Variants in TAFA2 observed in about 807,000 individuals in gnomAD.
TAFA2 encodes the protein chemokine-like protein TAFA-2.
In TAFA2, 7 loss-of-function variants were observed where a neutral mutation model predicts 18.8. That is an observed-to-expected ratio of 0.37 (90% CI 0.21 to 0.70). The LOEUF is 0.70. Among genes scored for constraint, TAFA2 ranks in the 30% least tolerant of loss-of-function variants. The probability of loss-of-function intolerance (pLI) is 0.53; values close to 1 mark genes in which losing one functional copy is unlikely to be tolerated. For synonymous variants in TAFA2, 60 were observed against 54.2 expected (o/e 1.11, Z -0.47); for missense variants, 122 against 158.1 (o/e 0.77, Z 1.23).
At chr12:61,861,197 C>T (rs559014956) in intron 2 of TAFA2, among the ~76,000 whole-genome samples, 2 of 151,586 alleles carry the variant, frequency 1.3e-5, no homozygotes, top group South Asian at 4.2e-4. Flanking sequence ...AGTGATCCAC[C>T]GGCTTCCGCC....
intron 1 of TAFA2, among the ~76,000 whole-genome samples, chr12:61,873,750 A>G (rs1349617448): frequency 6.6e-6 from 1 of 152,198 alleles, no homozygotes; most frequent in Non-Finnish European, 1.5e-5. Context: ...GCTTTTATCC[A>G]AAATCATGTC....
At chr12:61,788,039 A>T (rs1870809940) in intron 2 of TAFA2, among the ~76,000 whole-genome samples, 1 of 151,760 alleles carries the variant, frequency 6.6e-6, no homozygotes, top group Non-Finnish European at 1.5e-5. Context: ...ATCAAAAGCA[A>T]GTAGGAGTAA....
intron 1 of TAFA2, among the ~76,000 whole-genome samples, chr12:62,180,856 A>G (rs981357685): frequency 6.6e-6 from 1 of 152,236 alleles, no homozygotes. Context: ...AATTATGTAG[A>G]TAAGAATAAA....
chr12:61,800,246 C>A (rs759557735), intron 2 of TAFA2, among the ~76,000 whole-genome samples: 2 of 152,246 alleles, frequency 1.3e-5, no homozygotes, highest in East Asian at 3.9e-4. Flanking sequence ...TTAATCTTCA[C>A]CACAACCTTA....
rs184662058 is a variant in TAFA2, at chr12:62,014,137, C to T, written c.-1-146711G>A. Among the ~76,000 whole-genome samples, 359 of 150,954 alleles carry T rather than the reference C, an allele frequency of 2.4e-3. 1 individual carries two copies. The highest frequency in any genetic ancestry group is 0.014 in the Middle Eastern group (4 of 294). ...ACACATCAAAACATTCTACTGACAT[C>T]GAAAACCTTAATTTTATACTTCAGG... is the stretch of plus-strand genomic sequence containing the variant. On this transcript the variant is annotated intron_variant, in intron 1 of 4. Transcript: ENST00000416284.
At chr12:62,235,346 G>A (rs1459605798) in intron 1 of TAFA2, 5 of 656,400 alleles carry the variant, frequency 7.6e-6, no homozygotes, top group African/African-American at 1.8e-5. Flanking sequence ...AGTGCTGAAT[G>A]CTTGGTAGGC....
At chr12:62,215,591 A>C (rs2062731154) in intron 1 of TAFA2, among the ~76,000 whole-genome samples, 1 of 149,950 alleles carries the variant, frequency 6.7e-6, no homozygotes, top group South Asian at 2.1e-4. Flanking sequence ...GGGCGGAAGA[A>C]CTTGTTTCTC....
At chr12:62,152,931 G>C (rs1386080197) in intron 1 of TAFA2, among the ~76,000 whole-genome samples, 2 of 152,306 alleles carry the variant, frequency 1.3e-5, no homozygotes, top group Admixed American at 6.5e-5. Context: ...GACAAACAGA[G>C]AAAGGGTGTT....
intron 1 of TAFA2, among the ~76,000 whole-genome samples, chr12:62,208,439 T>C (rs1287321507): frequency 6.6e-6 from 1 of 151,700 alleles, no homozygotes; most frequent in Non-Finnish European, 1.5e-5. Context: ...TTCTGTAGTA[T>C]AAGGCAGCAG....
At chr12:61,963,958 GGC>G in intron 1 of TAFA2, among the ~76,000 whole-genome samples, 4 of 151,962 alleles carry the variant, frequency 2.6e-5, no homozygotes, top group African/African-American at 9.6e-5. Context: ...TGACAAACCT[GGC>G]AAAAAACAAG....
At chr12:62,095,384 G>A (rs1868905861) in intron 1 of TAFA2, among the ~76,000 whole-genome samples, 1 of 152,076 alleles carries the variant, frequency 6.6e-6, no homozygotes, top group African/African-American at 2.4e-5. Context: ...AAATAAACAT[G>A]ACACTGTGAT....
rs563177777 is a variant in TAFA2, at chr12:62,104,981, C to T, written c.-2+86278G>A. The T allele has an allele frequency of 3.1e-5, 6 of 193,366 alleles. No homozygotes were observed. In the South Asian group the frequency reaches 4.6e-4, roughly 15 times the overall value. 12.0% of individuals were successfully genotyped at this position (193,366 alleles called of 1,614,324 possible). A position where few individuals can be genotyped will look rare whatever the true frequency, so the allele number is the denominator to read the frequency against. ...TTTAGTTTTCAAAAGGATTTACATACATTTCAAAGAGAGGAGAAAGTACTT... is the reference window on the plus strand; with the variant it reads ...TTTAGTTTTCAAAAGGATTTACATATATTTCAAAGAGAGGAGAAAGTACTT... On this transcript the variant is annotated intron_variant, in intron 1 of 4. Coordinates refer to ENST00000416284, the MANE Select transcript of TAFA2 (RefSeq NM_178539.5).
intron 1 of TAFA2, among the ~76,000 whole-genome samples, chr12:62,006,600 C>T (rs1259375720): frequency 6.6e-6 from 1 of 152,106 alleles, no homozygotes; most frequent in Non-Finnish European, 1.5e-5. Flanking sequence ...GAGGCTACAA[C>T]TAGGAAGAGA....
At chr12:61,841,174 A>C (rs989945074) in intron 2 of TAFA2, among the ~76,000 whole-genome samples, 3 of 152,106 alleles carry the variant, frequency 2.0e-5, no homozygotes, top group Non-Finnish European at 4.4e-5. Flanking sequence ...ACCATGGACA[A>C]TGTGCAATCA....
At chr12:61,760,365 A>AATATATATATATATATATATATAT (rs71083956) in intron 2 of TAFA2, among the ~76,000 whole-genome samples, 1,531 of 121,838 alleles carry the variant, frequency 0.013, 59 homozygotes, top group Middle Eastern at 0.022. Context: ...AAAATATCAA[A>AATATATATATATATATATATATAT]ATATATATAT....
chr12:62,007,228 T>C (rs1880583233), intron 1 of TAFA2, among the ~76,000 whole-genome samples: 1 of 152,174 alleles, frequency 6.6e-6, no homozygotes. Flanking sequence ...TTTACACACA[T>C]AGACACACAG....
intron 1 of TAFA2, among the ~76,000 whole-genome samples, chr12:62,107,833 ATGT>A (rs1244630459): frequency 6.6e-6 from 1 of 152,138 alleles, no homozygotes; most frequent in Non-Finnish European, 1.5e-5. Context: ...TGTTACTTTA[ATGT>A]TATTATTAGT....
At chr12:61,877,728 A>T (rs1874916487) in intron 1 of TAFA2, among the ~76,000 whole-genome samples, 1 of 152,116 alleles carries the variant, frequency 6.6e-6, no homozygotes, top group Non-Finnish European at 1.5e-5. Context: ...CAAGTACCAG[A>T]TATCACTACA....
Position 61,965,713 on chromosome 12 carries a change from T to A in TAFA2, c.-1-98287A>T, listed in dbSNP as rs140547219. Among the ~76,000 whole-genome samples, 29 of 151,972 alleles carry A rather than the reference T, an allele frequency of 1.9e-4. 1 individual carries two copies. In the East Asian group the frequency reaches 4.7e-3, roughly 25 times the overall value. ...TAGTTCCAACAGTACTTTGACAATA[T>A]CACATAATTACTGCTACTTGACTAG... is the stretch of plus-strand genomic sequence containing the variant. On this transcript the variant is annotated intron_variant, in intron 1 of 4. Coordinates refer to ENST00000416284, the MANE Select transcript of TAFA2 (RefSeq NM_178539.5).
Sources: allele counts gnomAD v4.1 joint callset (sites outside exome capture counted in the v4.1 genomes callset), GRCh38; gene constraint gnomAD v4.1.1; transcripts MANE v1.5; gene names NCBI Gene and HGNC (gene_info 2026-07-23, HGNC 2026-07-21).